Variants in CLASP2 observed in about 807,000 individuals in gnomAD.
CLASP2 encodes CLIP-associating protein 2.
In CLASP2, 47 loss-of-function variants were observed where a neutral mutation model predicts 194.4. The observed-to-expected ratio is 0.24, with a 90% CI of 0.19 to 0.31. CLASP2 has a LOEUF of 0.31. CLASP2 is among the 10% of genes least tolerant of loss of function. The pLI, the probability that CLASP2 is intolerant of heterozygous loss-of-function variation, is 1.00. For missense variants in CLASP2, 1,445 were observed against 1,823.6 expected, an observed-to-expected ratio of 0.79 and a Z score of 3.78; for synonymous variants, 619 against 633.5, an observed-to-expected ratio of 0.98 and a Z score of 0.34.
chr3:33,618,602 G>A (rs1360607241), intron 12 of CLASP2, among the ~76,000 whole-genome samples: 7 of 152,112 alleles, frequency 4.6e-5, no homozygotes, highest in African/African-American at 1.4e-4. Context: ...AGCTGAGATC[G>A]TACCACTGCA....
intron 9 of CLASP2, among the ~76,000 whole-genome samples, chr3:33,628,152 G>C (rs1207133731): frequency 1.3e-5 from 2 of 152,160 alleles, no homozygotes; most frequent in Non-Finnish European, 2.9e-5. Flanking sequence ...CAGAGAGTAA[G>C]AGCAAGAGCA....
chr3:33,572,810 CTTT>C (rs755466690), intron 25 of CLASP2, among the ~76,000 whole-genome samples: 12 of 151,220 alleles, frequency 7.9e-5, no homozygotes, highest in East Asian at 1.9e-4. Context: ...TCACTATGTA[CTTT>C]TTATTATTAA....
chr3:33,527,451 C>T (rs1426929039), intron 34 of CLASP2, among the ~76,000 whole-genome samples: 1 of 152,098 alleles, frequency 6.6e-6, no homozygotes, highest in Non-Finnish European at 1.5e-5. Flanking sequence ...ATAACAAGCT[C>T]CAAAATTGAA....
At chr3:33,510,037 T>C (rs527578031) in intron 37 of CLASP2, among the ~76,000 whole-genome samples, 19 of 152,202 alleles carry the variant, frequency 1.2e-4, no homozygotes, top group Non-Finnish European at 2.1e-4. Context: ...AATACATAAA[T>C]GGCATATTAT....
chr3:33,562,279 C>G (rs1045224950), intron 27 of CLASP2, among the ~76,000 whole-genome samples: 1 of 152,162 alleles, frequency 6.6e-6, no homozygotes, highest in African/African-American at 2.4e-5. Flanking sequence ...CCACTACCCC[C>G]ATAATCCCCC....
At chr3:33,702,874 T>C (rs1010941989) in intron 1 of CLASP2, among the ~76,000 whole-genome samples, 1 of 152,128 alleles carries the variant, frequency 6.6e-6, no homozygotes, top group Non-Finnish European at 1.5e-5. Context: ...GAAGAAAAGA[T>C]AGTCTTTTCA....
intron 12 of CLASP2, among the ~76,000 whole-genome samples, chr3:33,618,445 G>T (rs929378051): frequency 1.3e-5 from 2 of 151,944 alleles, no homozygotes; most frequent in African/African-American, 4.8e-5. Flanking sequence ...AGGGGTTTGA[G>T]ACCAGCCTGG....
At chr3:33,672,959 C>T (rs1277536256) in intron 6 of CLASP2, among the ~76,000 whole-genome samples, 6 of 152,086 alleles carry the variant, frequency 3.9e-5, no homozygotes, top group African/African-American at 1.2e-4. Flanking sequence ...ACCAAATCTA[C>T]GTCTGACTGG....
intron 1 of CLASP2, among the ~76,000 whole-genome samples, chr3:33,707,001 A>C (rs1382639489): frequency 1.3e-5 from 2 of 152,172 alleles, no homozygotes; most frequent in Non-Finnish European, 2.9e-5. Flanking sequence ...ATAAAATAAA[A>C]TCTAACTCTG....
intron 36 of CLASP2, 72 bp downstream of exon 36, chr3:33,515,951 C>T (rs937431918): frequency 4.9e-6 from 7 of 1,435,456 alleles, no homozygotes; most frequent in African/African-American, 1.4e-5. Context: ...AATAAGGCTA[C>T]ATTTTACACA....
intron 34 of CLASP2, among the ~76,000 whole-genome samples, chr3:33,528,723 C>T (rs546369986): frequency 2.5e-3 from 379 of 151,800 alleles, no homozygotes; most frequent in Non-Finnish European, 3.3e-3. Context: ...GATTGCGCCA[C>T]AGCACTCCAG....
At chr3:33,625,561 CTCT>C (rs2077882320) in intron 10 of CLASP2, among the ~76,000 whole-genome samples, 1 of 148,346 alleles carries the variant, frequency 6.7e-6, no homozygotes, top group African/African-American at 2.5e-5. Context: ...TATGATCTCT[CTCT>C]TTTTTTTTTT....
chr3:33,652,735 T>C (rs140768494), intron 7 of CLASP2, among the ~76,000 whole-genome samples: 1 of 152,310 alleles, frequency 6.6e-6, no homozygotes, highest in East Asian at 1.9e-4. Flanking sequence ...CAAGCCACTC[T>C]AATTTCATAT....
At chr3:33,500,625 T>G (rs574769470) in intron 38 of CLASP2, among the ~76,000 whole-genome samples, 1 of 152,338 alleles carries the variant, frequency 6.6e-6, no homozygotes, top group Admixed American at 6.5e-5. Flanking sequence ...TAAGATGAGA[T>G]TTTACCTAAG....
At chr3:33,715,836 T>C (rs2093267056) in intron 1 of CLASP2, among the ~76,000 whole-genome samples, 1 of 141,020 alleles carries the variant, frequency 7.1e-6, no homozygotes, top group South Asian at 2.3e-4. Flanking sequence ...TATGTTTTAT[T>C]GTATCTTAAG....
intron 34 of CLASP2, among the ~76,000 whole-genome samples, chr3:33,525,928 C>T (rs753640316): frequency 1.4e-4 from 21 of 152,168 alleles, no homozygotes; most frequent in African/African-American, 4.8e-4. Context: ...GAGCTCCCAG[C>T]GGGAGGGGCA....
chr3:33,656,439 G>A (rs2084231136), intron 7 of CLASP2, among the ~76,000 whole-genome samples: 1 of 152,146 alleles, frequency 6.6e-6, no homozygotes, highest in African/African-American at 2.4e-5. Flanking sequence ...TGTTTATAAA[G>A]GGTGAGATAT....
chr3:33,522,933 A>G (rs2053553162), intron 34 of CLASP2, among the ~76,000 whole-genome samples: 1 of 152,078 alleles, frequency 6.6e-6, no homozygotes, highest in South Asian at 2.1e-4. Context: ...AAAATTAGCC[A>G]GGTGTGGTGG....
At chr3:33,711,112 C>A (rs937164258) in intron 1 of CLASP2, among the ~76,000 whole-genome samples, 11 of 152,050 alleles carry the variant, frequency 7.2e-5, no homozygotes, top group Non-Finnish European at 1.3e-4. Context: ...GACTGTCAGG[C>A]AGCATTAAGG....
Sources: allele counts gnomAD v4.1 joint callset (sites outside exome capture counted in the v4.1 genomes callset), GRCh38; gene constraint gnomAD v4.1.1; transcripts MANE v1.5; gene names NCBI Gene and HGNC (gene_info 2026-07-23, HGNC 2026-07-21).